ST8SIA4: variants seen among roughly 807,000 people sequenced by gnomAD.
The protein encoded by ST8SIA4 is ST8 alpha-N-acetyl-neuraminide alpha-2,8-sialyltransferase 4, also known as CMP-N-acetylneuraminate-poly-alpha-2,8-sialyltransferase.
A neutral mutation model predicts 33.9 loss-of-function variants in ST8SIA4; 15 were observed. The ratio of observed to expected loss-of-function variants is 0.44; its 90% CI spans 0.30 to 0.68. ST8SIA4 has a LOEUF of 0.68. ST8SIA4 is among the 30% of genes least tolerant of loss of function. The probability of loss-of-function intolerance (pLI) is 0.10; values close to 1 mark genes in which losing one functional copy is unlikely to be tolerated. For synonymous variants in ST8SIA4, 171 were observed against 151.2 expected (o/e 1.13, Z -0.96); for missense variants, 321 against 428.0 (o/e 0.75, Z 2.21).
At chr5:100,842,991 T>A (rs1259587243) in intron 4 of ST8SIA4, among the ~76,000 whole-genome samples, 1 of 151,858 alleles carries the variant, frequency 6.6e-6, no homozygotes, top group Non-Finnish European at 1.5e-5. Flanking sequence ...ACTCAGTTGC[T>A]TGATGCTATA....
At chr5:100,902,279 A>T (rs1022682481) in intron 1 of ST8SIA4, among the ~76,000 whole-genome samples, 6 of 152,218 alleles carry the variant, frequency 3.9e-5, no homozygotes, top group African/African-American at 1.4e-4. Flanking sequence ...CATGCGTTTT[A>T]GCCGTAGAAG....
chr5:100,866,958 CAT>C (rs980117408), intron 3 of ST8SIA4, among the ~76,000 whole-genome samples: 1 of 151,994 alleles, frequency 6.6e-6, no homozygotes, highest in African/African-American at 2.4e-5. Flanking sequence ...TTAAATATGA[CAT>C]ATTAATTTCA....
intron 3 of ST8SIA4, among the ~76,000 whole-genome samples, chr5:100,877,231 C>T (rs2112463098): frequency 6.6e-6 from 1 of 152,232 alleles, no homozygotes; most frequent in South Asian, 2.1e-4. Context: ...CAGATATATA[C>T]ACATCTCCAG....
chr5:100,875,970 C>T (rs1157861977), intron 3 of ST8SIA4, among the ~76,000 whole-genome samples: 2 of 151,976 alleles, frequency 1.3e-5, no homozygotes, highest in Non-Finnish European at 2.9e-5. Flanking sequence ...ATATATTATA[C>T]CTTCTTCTGC....
chr5:100,873,176 T>C (rs1184499570), intron 3 of ST8SIA4, among the ~76,000 whole-genome samples: 1 of 152,034 alleles, frequency 6.6e-6, no homozygotes, highest in African/African-American at 2.4e-5. Flanking sequence ...TTTTGATTTA[T>C]AAGGAAAAAC....
chr5:100,838,463 A>C (rs1208489567), intron 4 of ST8SIA4, among the ~76,000 whole-genome samples: 1 of 151,988 alleles, frequency 6.6e-6, no homozygotes, highest in Non-Finnish European at 1.5e-5. Context: ...ATTTTAATGA[A>C]GACCAATGTT....
intron 4 of ST8SIA4, among the ~76,000 whole-genome samples, chr5:100,831,873 G>A (rs967363535): frequency 3.3e-5 from 5 of 152,076 alleles, no homozygotes; most frequent in Non-Finnish European, 4.4e-5. Context: ...GGGGAGAGGG[G>A]CTGGAAAGGT....
chr5:100,886,681 A>C (rs1752545316), intron 2 of ST8SIA4, 81 bp from the exon 3 acceptor site: 1 of 1,189,312 alleles, frequency 8.4e-7, no homozygotes, highest in South Asian at 1.4e-5. Context: ...AAGTAACTTA[A>C]GACAAAATAC....
chr5:100,855,261 T>C (rs1751789642), intron 4 of ST8SIA4, among the ~76,000 whole-genome samples: 1 of 152,230 alleles, frequency 6.6e-6, no homozygotes, highest in Non-Finnish European at 1.5e-5. Context: ...TTTGGTCCAC[T>C]TTCCAAGTGT....
chr5:100,829,245 G>GTC (rs1037757064), intron 4 of ST8SIA4, among the ~76,000 whole-genome samples: 31 of 152,156 alleles, frequency 2.0e-4, no homozygotes, highest in South Asian at 2.1e-4. Context: ...CCCCAGCACT[G>GTC]TCTCTCTCTC....
At chr5:100,875,684 T>C (rs1268104898) in intron 3 of ST8SIA4, among the ~76,000 whole-genome samples, 1 of 152,170 alleles carries the variant, frequency 6.6e-6, no homozygotes, top group East Asian at 1.9e-4. Context: ...TCTTGGTTGG[T>C]CCTCTTGAAA....
chr5:100,873,551 T>C (rs531714537), intron 3 of ST8SIA4, among the ~76,000 whole-genome samples: 9 of 152,318 alleles, frequency 5.9e-5, no homozygotes, highest in Admixed American at 2.0e-4. Flanking sequence ...TTGTAATTGT[T>C]AATCATTGCC....
intron 3 of ST8SIA4, among the ~76,000 whole-genome samples, chr5:100,880,517 A>G (rs1752395444): frequency 6.6e-6 from 1 of 152,172 alleles, no homozygotes; most frequent in South Asian, 2.1e-4. Flanking sequence ...TCTGTCCCTG[A>G]AGCTTCAGAT....
chr5:100,891,593 A>G (rs1319841719), intron 2 of ST8SIA4, among the ~76,000 whole-genome samples: 1 of 152,062 alleles, frequency 6.6e-6, no homozygotes, highest in Non-Finnish European at 1.5e-5. Flanking sequence ...ATATTTGATG[A>G]AGAGCATTTT....
At chr5:100,873,691 C>T (rs961648551) in intron 3 of ST8SIA4, among the ~76,000 whole-genome samples, 1 of 152,104 alleles carries the variant, frequency 6.6e-6, no homozygotes, top group African/African-American at 2.4e-5. Context: ...CTACAATCTC[C>T]AGCCATCCCA....
rs1752582403 is a variant in ST8SIA4, at chr5:100,888,184, C to G, written c.246-1584G>C. 2.0e-5 allele frequency among the ~76,000 whole-genome samples: 3 copies of G among 150,656 alleles called. No homozygotes were observed. The South Asian group carries it at 6.3e-4, about 31-fold the overall frequency. On this transcript the variant is annotated intron_variant, in intron 2 of 4. Transcript: ENST00000231461. ...TAACAAGAAGGGAAGAGTCCGGGAC[C>G]CTAGTAGATTTTAAGGAAAAAAAAA... is the stretch of plus-strand genomic sequence containing the variant.
chr5:100,817,520 G>A (rs1216302284), intron 4 of ST8SIA4, among the ~76,000 whole-genome samples: 2 of 152,030 alleles, frequency 1.3e-5, no homozygotes, highest in African/African-American at 4.8e-5. Context: ...AGTCATCCGT[G>A]GACATATTGA....
At chr5:100,829,907 CAAAAA>C (rs773555217) in intron 4 of ST8SIA4, among the ~76,000 whole-genome samples, 2 of 109,476 alleles carry the variant, frequency 1.8e-5, no homozygotes, top group African/African-American at 7.3e-5. Context: ...GACTCCGTCT[CAAAAA>C]AAAAAAAAAA....
intron 2 of ST8SIA4, among the ~76,000 whole-genome samples, chr5:100,892,637 C>T (rs905020938): frequency 9.9e-5 from 15 of 151,902 alleles, no homozygotes; most frequent in South Asian, 4.2e-4. Context: ...TTTTATTATG[C>T]GGACAATTAT....
Sources: allele counts gnomAD v4.1 joint callset (sites outside exome capture counted in the v4.1 genomes callset), GRCh38; gene constraint gnomAD v4.1.1; transcripts MANE v1.5; gene names NCBI Gene and HGNC (gene_info 2026-07-23, HGNC 2026-07-21).